The following MGST2 variants were observed in gnomAD, a reference collection of about 807,000 sequenced individuals.
The protein encoded by MGST2 is microsomal glutathione S-transferase 2, also known as glutathione peroxidase MGST2.
Under a neutral mutation model 16.6 loss-of-function variants are expected in MGST2, and 9 were observed. The ratio of observed to expected loss-of-function variants is 0.54; its 90% CI spans 0.33 to 0.95. The LOEUF (loss-of-function observed/expected upper bound fraction) is 0.95, where lower values mean the gene tolerates loss of function less well. Ranked by LOEUF, MGST2 falls within the 40% of genes least tolerant of loss-of-function variation. The pLI, the probability that MGST2 is intolerant of heterozygous loss-of-function variation, is 0.03. For missense variants in MGST2, 159 were observed against 175.1 expected, an observed-to-expected ratio of 0.91 and a Z score of 0.52; for synonymous variants, 79 against 68.0, an observed-to-expected ratio of 1.16 and a Z score of -0.79.
At position 139,695,205 on chromosome 4, in the gene MGST2, G is replaced by A. The variant is rs1726848432; in HGVS notation, c.167G>A (p.Cys56Tyr). The change falls in exon 3 of 5, where the codon TGT (cysteine) becomes TAT (tyrosine). Residue 56 changes from cysteine (C) to tyrosine (Y), a missense_variant. Physicochemically the swap from Cys to Tyr is radical, Grantham distance 194 (BLOSUM62 -2). Coordinates refer to ENST00000265498, the MANE Select transcript of MGST2 (RefSeq NM_002413.5). Reference sequence around the variant, plus strand: ...TTTATTTTTTTCTGCAGACAAAACTGTGTGGAGTTTTATCCTATATTCATA... The same window carrying A: ...TTTATTTTTTTCTGCAGACAAAACTATGTGGAGTTTTATCCTATATTCATA... ...FERVFRAQQN[C>Y]VEFYPIFIIT... 1 of 1,611,582 alleles carries A rather than the reference G, an allele frequency of 6.2e-7. No homozygotes were observed. Among genetic ancestry groups the A allele is most frequent in the Non-Finnish European group, 8.5e-7 (1 of 1,177,700 alleles).
chr4:139,711,796 T>G lies in MGST2; in HGVS notation c.*48+7600T>G, dbSNP rs189368431. ...TAAGATGGAGTTGCCGCCTCTGACA[T>G]TTCCCCCCTTTCTTTTATAAGAGAA... is the stretch of plus-strand genomic sequence containing the variant. On this transcript the variant is annotated intron_variant, in intron 5 of 5. Transcript: ENST00000616265. Among the ~76,000 whole-genome samples the G allele has an allele frequency of 7.2e-5, 11 of 152,276 alleles. No individual in the cohort carries two copies. In the East Asian group the frequency reaches 1.9e-3, roughly 27 times the overall value.
intron 5 of MGST2, among the ~76,000 whole-genome samples, chr4:139,726,735 T>C (rs1441246779): frequency 6.6e-6 from 1 of 152,246 alleles, no homozygotes; most frequent in East Asian, 1.9e-4. Context: ...ATTCCACATA[T>C]ACCAGCAGAC....
intron 2 of MGST2, among the ~76,000 whole-genome samples, chr4:139,679,702 C>T (rs1731138341): frequency 6.6e-6 from 1 of 152,054 alleles, no homozygotes; most frequent in African/African-American, 2.4e-5. Flanking sequence ...AGACTACTCC[C>T]TAGGCTTGAA....
intron 5 of MGST2, among the ~76,000 whole-genome samples, chr4:139,721,737 C>G (rs960670089): frequency 2.0e-5 from 3 of 152,034 alleles, no homozygotes; most frequent in African/African-American, 4.8e-5. Context: ...CCTGAAAGAT[C>G]TGGGGGAAAT....
downstream of MGST2, among the ~76,000 whole-genome samples, chr4:139,745,545 A>G (rs1484077013): frequency 6.6e-6 from 1 of 152,166 alleles, no homozygotes; most frequent in Non-Finnish European, 1.5e-5. Flanking sequence ...TGCAAGAATA[A>G]GAATTCTCAT....
chr4:139,744,617 T>A (rs943086028), downstream of MGST2, among the ~76,000 whole-genome samples: 66 of 152,320 alleles, frequency 4.3e-4, no homozygotes, highest in Middle Eastern at 3.4e-3. Context: ...GAAAAACTTT[T>A]ATTGCTCAAG....
chr4:139,703,380 C>G, intron 3 of MGST2, 75 bp from the exon 4 acceptor site: 1 of 1,199,098 alleles, frequency 8.3e-7, no homozygotes, highest in South Asian at 1.2e-5. Flanking sequence ...AATATTTTCT[C>G]AGTCGTCGTA....
chr4:139,681,123 C>G (rs1035139666), intron 2 of MGST2, among the ~76,000 whole-genome samples: 6 of 152,156 alleles, frequency 3.9e-5, no homozygotes, highest in Admixed American at 6.5e-5. Context: ...CTCAGGCAAT[C>G]CTCCTACCTC....
intron 5 of MGST2, chr4:139,730,415 C>G: frequency 6.5e-7 from 1 of 1,535,506 alleles, no homozygotes. Context: ...GGGCATGTTA[C>G]CTGTTCCGCC....
intron 5 of MGST2, chr4:139,719,126 G>T: frequency 1.7e-6 from 1 of 598,720 alleles, no homozygotes; most frequent in Non-Finnish European, 2.8e-6. Context: ...CATCTCGATT[G>T]CTGTGTGAAA....
rs144546293 is a variant in MGST2 at position 139,703,535 on chromosome 4, C to A, written c.310C>A (p.Arg104=). Residue 104 remains arginine (R), a splice_region_variant and synonymous_variant, in exon 4 of 5, where the codon CGG becomes AGG. Transcript: ENST00000265498. ...FWGYSEAAKK[R]ITGFRLSLGI... ...GGGATATTCAGAAGCTGCTAAAAAA[C>A]GGTAAGGAGAACCCAGTAATTTTGT... 6.8e-6 allele frequency: 11 copies of A among 1,613,262 alleles called. No homozygotes were observed. Among genetic ancestry groups the A allele is most frequent in the Non-Finnish European group, 9.3e-6 (11 of 1,179,446 alleles).
At chr4:139,706,790 G>A (rs1394426050), downstream of MGST2, among the ~76,000 whole-genome samples, 2 of 152,068 alleles carry the variant, frequency 1.3e-5, no homozygotes, top group African/African-American at 4.8e-5. Context: ...ATTTTCCTTT[G>A]TTCTAATTGC....
At chr4:139,691,982 G>A (rs1726637196) in intron 2 of MGST2, among the ~76,000 whole-genome samples, 1 of 152,170 alleles carries the variant, frequency 6.6e-6, no homozygotes, top group Admixed American at 6.5e-5. Flanking sequence ...TTACAGGCAT[G>A]AGCCACTGCG....
intron 5 of MGST2, among the ~76,000 whole-genome samples, chr4:139,723,319 C>A (rs916960084): frequency 6.6e-6 from 1 of 151,788 alleles, no homozygotes; most frequent in Non-Finnish European, 1.5e-5. Context: ...TTTTTTGTTT[C>A]TTTTTTCTGG....
intron 5 of MGST2, among the ~76,000 whole-genome samples, chr4:139,727,009 C>A (rs1157309982): frequency 6.6e-6 from 1 of 152,178 alleles, no homozygotes; most frequent in Non-Finnish European, 1.5e-5. Flanking sequence ...TCTGCAAGGG[C>A]TATAAAGAAT....
chr4:139,678,290 T>C (rs576463256), intron 1 of MGST2, among the ~76,000 whole-genome samples: 1 of 152,354 alleles, frequency 6.6e-6, no homozygotes, highest in African/African-American at 2.4e-5. Context: ...ATTGGAGGTA[T>C]GTCTAACTAA....
intron 5 of MGST2, among the ~76,000 whole-genome samples, chr4:139,732,318 C>G (rs1191693894): frequency 6.6e-6 from 1 of 152,090 alleles, no homozygotes; most frequent in Non-Finnish European, 1.5e-5. Context: ...GGCTTGTGTT[C>G]CTCCCTTCCT....
chr4:139,741,978 A>G (rs916386476), downstream of MGST2, among the ~76,000 whole-genome samples: 2 of 152,176 alleles, frequency 1.3e-5, no homozygotes, highest in Non-Finnish European at 2.9e-5. Context: ...ACCTTGAAAG[A>G]CTTGGAGACA....
At chr4:139,750,768 T>G in the MGST2 span, among the ~76,000 whole-genome samples, 5 of 152,360 alleles carry the variant, frequency 3.3e-5, no homozygotes, top group South Asian at 4.1e-4. Context: ...TTTCAAAAGT[T>G]AGCGATAGAT....
Sources: allele counts gnomAD v4.1 joint callset (sites outside exome capture counted in the v4.1 genomes callset), GRCh38; gene constraint gnomAD v4.1.1; transcripts MANE v1.5; gene names NCBI Gene and HGNC (gene_info 2026-07-23, HGNC 2026-07-21).